TENM4: variants seen among roughly 807,000 people sequenced by gnomAD.
TENM4 encodes the protein teneurin-4.
In TENM4, 82 loss-of-function variants were observed where a neutral mutation model predicts 243.3. That is an observed-to-expected ratio of 0.34 (90% confidence interval 0.28 to 0.40). The LOEUF is 0.40. TENM4 is among the 10% of genes least tolerant of loss of function. The probability of loss-of-function intolerance (pLI) is 1.00; values close to 1 mark genes in which losing one functional copy is unlikely to be tolerated. For synonymous variants in TENM4, 1,412 were observed against 1,456.3 expected (o/e 0.97, Z 0.69); for missense variants, 3,138 against 3,673.3 (o/e 0.85, Z 3.77).
intron 27 of TENM4, among the ~76,000 whole-genome samples, chr11:78,706,470 G>C (rs561400988): frequency 6.6e-6 from 1 of 152,310 alleles, no homozygotes; most frequent in African/African-American, 2.4e-5. Context: ...CAGCGGAGTA[G>C]AGAGGAAGCT....
At chr11:78,732,280 A>T (rs777628445) in intron 21 of TENM4, 36 bp downstream of exon 21, 8 of 1,553,876 alleles carry the variant, frequency 5.1e-6, no homozygotes, top group Non-Finnish European at 7.0e-6. Flanking sequence ...AAATGAAATA[A>T]AAGCATGGTG....
At position 79,313,111 on chromosome 11, in the gene TENM4, C is replaced by T. The variant is rs189662299; in HGVS notation, c.-320-15568G>A. ...AAGTAGATCTTGCATCATACTTCTC[C>T]GACTTCAGTTGTTTTTATTACTCTA... On this transcript the variant is annotated intron_variant, in intron 1 of 33. Coordinates refer to ENST00000278550, the MANE Select transcript of TENM4 (RefSeq NM_001098816.3). Among the ~76,000 whole-genome samples the T allele has an allele frequency of 7.2e-5, 11 of 152,250 alleles. No individual in the cohort carries two copies. In the East Asian group the frequency reaches 1.3e-3, roughly 19 times the overall value.
chr11:79,101,742 C>T (rs1307139842), intron 4 of TENM4, among the ~76,000 whole-genome samples: 3 of 152,182 alleles, frequency 2.0e-5, no homozygotes, highest in Non-Finnish European at 2.9e-5. Flanking sequence ...ACCATAAGCA[C>T]TGCTGGCAGA....
chr11:79,236,569 C>T lies in TENM4; in HGVS notation c.-264-20660G>A, dbSNP rs114161548. On this transcript the variant is annotated intron_variant, in intron 2 of 33. Transcript: ENST00000278550. ...TGTGCTCGCTTTGTTGTGCTTGTGT[C>T]GGATGGTGAGCGAACCCTCAGAACA... 5.9e-3 allele frequency among the ~76,000 whole-genome samples: 901 copies of T among 152,232 alleles called. 13 individuals carry two copies. Among genetic ancestry groups the T allele is most frequent in the African/African-American group, 0.021 (856 of 41,530 alleles).
intron 1 of TENM4, among the ~76,000 whole-genome samples, chr11:79,302,957 C>T (rs1374550846): frequency 6.6e-6 from 1 of 152,170 alleles, no homozygotes; most frequent in African/African-American, 2.4e-5. Flanking sequence ...AGGAGGTCAG[C>T]AGGTCAGATA....
intron 2 of TENM4, among the ~76,000 whole-genome samples, chr11:79,220,463 T>C (rs532686053): frequency 3.3e-5 from 5 of 152,286 alleles, no homozygotes; most frequent in African/African-American, 1.2e-4. Flanking sequence ...CATTTCTTTA[T>C]TATTAAATAG....
chr11:79,351,108 T>C (rs1857408345), intron 1 of TENM4, among the ~76,000 whole-genome samples: 1 of 152,226 alleles, frequency 6.6e-6, no homozygotes, highest in South Asian at 2.1e-4. Context: ...AGGAATGCTT[T>C]TCCCGCAGGT....
At chr11:79,312,870 A>C (rs530060812) in intron 1 of TENM4, among the ~76,000 whole-genome samples, 1 of 152,012 alleles carries the variant, frequency 6.6e-6, no homozygotes, top group African/African-American at 2.4e-5. Context: ...CACAATCTCC[A>C]CTCCACAGAG....
intron 3 of TENM4, among the ~76,000 whole-genome samples, chr11:79,152,331 G>T (rs986765772): frequency 6.6e-6 from 1 of 152,172 alleles, no homozygotes; most frequent in African/African-American, 2.4e-5. Context: ...AAAGTGAACG[G>T]CTACAACCAC....
chr11:79,129,159 C>G (rs895136637), intron 4 of TENM4, among the ~76,000 whole-genome samples: 2 of 152,142 alleles, frequency 1.3e-5, no homozygotes, highest in Non-Finnish European at 2.9e-5. Flanking sequence ...GGAACTAAGC[C>G]AATTTAGAGA....
chr11:78,992,790 G>T (rs1208270481), intron 6 of TENM4, among the ~76,000 whole-genome samples: 3 of 152,192 alleles, frequency 2.0e-5, no homozygotes, highest in Admixed American at 2.0e-4. Flanking sequence ...TGCGTGACCG[G>T]AGGCAATTTA....
intron 15 of TENM4, among the ~76,000 whole-genome samples, chr11:78,789,721 C>T (rs1454296465): frequency 6.6e-6 from 1 of 152,210 alleles, no homozygotes; most frequent in Non-Finnish European, 1.5e-5. Flanking sequence ...ATGGTGTTTT[C>T]AGGCAGCAGA....
chr11:79,289,315 G>A (rs1051070366), intron 2 of TENM4, among the ~76,000 whole-genome samples: 6 of 152,338 alleles, frequency 3.9e-5, no homozygotes, highest in African/African-American at 1.2e-4. Context: ...GCCAAATGTA[G>A]TTAATGCTGT....
chr11:78,967,229 C>T (rs531782050), intron 6 of TENM4, among the ~76,000 whole-genome samples: 6 of 152,330 alleles, frequency 3.9e-5, no homozygotes, highest in African/African-American at 1.2e-4. Context: ...TTGTCTGTGT[C>T]CACCCACTAG....
chr11:79,014,051 G>A lies in TENM4; in HGVS notation c.493+50687C>T, dbSNP rs763537252. 2.7e-3 allele frequency among the ~76,000 whole-genome samples: 412 copies of A among 152,264 alleles called. 3 individuals carry two copies. The highest frequency in any genetic ancestry group is 4.5e-3 in the Admixed American group (69 of 15,298). On this transcript the variant is annotated intron_variant, in intron 6 of 33. Coordinates refer to ENST00000278550, the MANE Select transcript of TENM4 (RefSeq NM_001098816.3). ...TTATTGATTTGTTTTCTCTGGGCAG[G>A]AACTCTTGTTATCTGTATCCTCAGA...
At chr11:79,260,919 T>A (rs1855785069) in intron 2 of TENM4, among the ~76,000 whole-genome samples, 2 of 152,196 alleles carry the variant, frequency 1.3e-5, no homozygotes, top group South Asian at 4.1e-4. Context: ...ACAACTGGGC[T>A]ATGAAAACGA....
intron 1 of TENM4, among the ~76,000 whole-genome samples, chr11:79,392,127 G>A (rs1178105894): frequency 1.3e-5 from 2 of 152,222 alleles, no homozygotes; most frequent in Non-Finnish European, 2.9e-5. Context: ...AACATCCACA[G>A]TGGCTTAGCC....
intron 3 of TENM4, among the ~76,000 whole-genome samples, chr11:79,185,309 T>TACAACA (rs368899635): frequency 0.01 from 1,545 of 151,012 alleles, 36 homozygotes; most frequent in African/African-American, 0.034. Context: ...CACAAAAAAC[T>TACAACA]ACAACAACAA....
chr11:79,229,326 C>A (rs1425963693), intron 2 of TENM4, among the ~76,000 whole-genome samples: 2 of 152,226 alleles, frequency 1.3e-5, no homozygotes, highest in African/African-American at 4.8e-5. Flanking sequence ...ATAGTCTATC[C>A]ACAACCTACT....
Sources: allele counts gnomAD v4.1 joint callset (sites outside exome capture counted in the v4.1 genomes callset), GRCh38; gene constraint gnomAD v4.1.1; transcripts MANE v1.5; gene names NCBI Gene and HGNC (gene_info 2026-07-23, HGNC 2026-07-21).